Variants in ZNF704 observed in about 807,000 individuals in gnomAD.
The protein encoded by ZNF704 is zinc finger protein 704.
A neutral mutation model predicts 44.7 loss-of-function variants in ZNF704; 10 were observed. The observed-to-expected ratio is 0.22, with a 90% confidence interval of 0.14 to 0.38. The LOEUF (loss-of-function observed/expected upper bound fraction) is 0.38, where lower values mean the gene tolerates loss of function less well. Among genes scored for constraint, ZNF704 ranks in the 10% least tolerant of loss-of-function variants. ZNF704 has a pLI of 1.00. For synonymous variants in ZNF704, 211 were observed against 207.6 expected (o/e 1.02, Z -0.14); for missense variants, 390 against 545.5 (o/e 0.71, Z 2.84).
chr8:80,838,754 G>A (rs1461160522), intron 1 of ZNF704, among the ~76,000 whole-genome samples: 2 of 150,226 alleles, frequency 1.3e-5, no homozygotes, highest in Non-Finnish European at 2.9e-5. Context: ...AGGAGGAGGA[G>A]GAGGCCACCC....
chr8:80,827,213 C>T (rs1336806480), intron 1 of ZNF704, among the ~76,000 whole-genome samples: 1 of 152,176 alleles, frequency 6.6e-6, no homozygotes, highest in Non-Finnish European at 1.5e-5. Flanking sequence ...AGCTGATAAG[C>T]AACTTCAGGA....
At chr8:80,803,350 T>C (rs929916969) in intron 2 of ZNF704, among the ~76,000 whole-genome samples, 3 of 152,094 alleles carry the variant, frequency 2.0e-5, no homozygotes, top group Non-Finnish European at 4.4e-5. Flanking sequence ...AAATTTCATA[T>C]GGATTAAAAA....
rs201158238 is a variant in ZNF704 at position 80,670,512 on chromosome 8, A to T, written c.650T>A (p.Ile217Asn). 7.5e-5 allele frequency: 121 copies of T among 1,613,656 alleles called. No homozygotes were observed. Among genetic ancestry groups the T allele is most frequent in the Non-Finnish European group, 9.9e-5 (117 of 1,179,798 alleles). Residue 217 changes from isoleucine to asparagine, a missense_variant, in exon 5 of 9, where the codon ATC (isoleucine) becomes AAC (asparagine). By Grantham distance (149) the Ile-to-Asn change is moderately radical (BLOSUM62 -3). Transcript: ENST00000327835. ...AAGIQKHIRT[I>N]HLGRVGDSDY... ...GAGAGAGCTGCCTTACCCCAGATGG[A>T]TGGTTCGGATGTGTTTCTGGATACC...
intron 1 of ZNF704, among the ~76,000 whole-genome samples, chr8:80,842,901 A>C (rs1294061548): frequency 1.3e-5 from 2 of 152,178 alleles, no homozygotes; most frequent in East Asian, 3.9e-4. Flanking sequence ...AATCTTTCTT[A>C]AACCAAAGGG....
intron 1 of ZNF704, among the ~76,000 whole-genome samples, chr8:80,843,679 CTTAT>C (rs1387257110): frequency 6.6e-6 from 1 of 152,062 alleles, no homozygotes; most frequent in African/African-American, 2.4e-5. Flanking sequence ...TCTTAATTTT[CTTAT>C]TTAAAGATCA....
Position 80,828,678 on chromosome 8 carries a change from C to G in ZNF704, c.-21-7063G>C, listed in dbSNP as rs140000493. Among the ~76,000 whole-genome samples, 1,207 of 152,294 alleles carry G rather than the reference C, an allele frequency of 7.9e-3. 6 individuals are homozygous for G. Among genetic ancestry groups the G allele is most frequent in the Non-Finnish European group, 0.012 (844 of 68,014 alleles). ...TCAAATAGATTTAGATTTATAGAAT[C>G]TAAGGCCATAAGCATAAATCATTTT... On this transcript the variant is annotated intron_variant, in intron 1 of 8. Coordinates refer to ENST00000327835, the MANE Select transcript of ZNF704 (RefSeq NM_001033723.3).
chr8:80,794,680 T>G (rs1375613148), intron 2 of ZNF704, among the ~76,000 whole-genome samples: 1 of 152,182 alleles, frequency 6.6e-6, no homozygotes, highest in African/African-American at 2.4e-5. Flanking sequence ...TGCAAACAAA[T>G]GCAGTTAATT....
At chr8:80,747,728 G>GT (rs1043662974) in intron 2 of ZNF704, among the ~76,000 whole-genome samples, 27 of 152,054 alleles carry the variant, frequency 1.8e-4, no homozygotes, top group Non-Finnish European at 3.2e-4. Flanking sequence ...TTGTTTGTTT[G>GT]TTTTTTTGAG....
chr8:80,835,254 A>C (rs139864298), intron 1 of ZNF704, among the ~76,000 whole-genome samples: 1 of 152,334 alleles, frequency 6.6e-6, no homozygotes, highest in East Asian at 1.9e-4. Context: ...ATTTAACCTC[A>C]GCTAAATTCA....
intron 2 of ZNF704, among the ~76,000 whole-genome samples, chr8:80,770,587 T>A (rs139758587): frequency 7.9e-5 from 12 of 152,358 alleles, no homozygotes; most frequent in African/African-American, 2.6e-4. Flanking sequence ...AAACTTTATA[T>A]ATTCTAGATA....
intron 3 of ZNF704, among the ~76,000 whole-genome samples, chr8:80,691,352 T>C (rs1248614937): frequency 6.6e-6 from 1 of 152,228 alleles, no homozygotes; most frequent in Non-Finnish European, 1.5e-5. Flanking sequence ...CTTTCTCCCT[T>C]GGGGAGTGCT....
intron 2 of ZNF704, among the ~76,000 whole-genome samples, chr8:80,745,593 T>A (rs1017063532): frequency 6.6e-6 from 1 of 152,188 alleles, no homozygotes; most frequent in South Asian, 2.1e-4. Flanking sequence ...TTGTAAATAA[T>A]AGAATACTCT....
chr8:80,814,672 TTTTTAAAA>T (rs565348294), intron 2 of ZNF704, among the ~76,000 whole-genome samples: 6 of 152,330 alleles, frequency 3.9e-5, no homozygotes, highest in African/African-American at 1.4e-4. Flanking sequence ...CAAAATCTAT[TTTTTAAAA>T]AGAAATGTTC....
intron 2 of ZNF704, among the ~76,000 whole-genome samples, chr8:80,774,684 G>A (rs1807381546): frequency 6.6e-6 from 1 of 152,220 alleles, no homozygotes; most frequent in South Asian, 2.1e-4. Flanking sequence ...TCATAGGGTA[G>A]ATGTCTGGGT....
intron 4 of ZNF704, among the ~76,000 whole-genome samples, chr8:80,674,305 G>A (rs901151710): frequency 5.9e-5 from 9 of 152,130 alleles, no homozygotes; most frequent in African/African-American, 2.2e-4. Flanking sequence ...TTTATTCAAA[G>A]CATATAACTT....
At chr8:80,863,778 T>C (rs891277155) in intron 1 of ZNF704, among the ~76,000 whole-genome samples, 3 of 152,240 alleles carry the variant, frequency 2.0e-5, no homozygotes, top group Admixed American at 6.5e-5. Context: ...AGCAATAGCG[T>C]TGACAGAAAA....
At chr8:80,735,012 C>T (rs1206342118) in intron 2 of ZNF704, among the ~76,000 whole-genome samples, 1 of 152,228 alleles carries the variant, frequency 6.6e-6, no homozygotes, top group Non-Finnish European at 1.5e-5. Context: ...CACATCCCCC[C>T]AATTTCAATT....
intron 2 of ZNF704, among the ~76,000 whole-genome samples, chr8:80,741,403 TG>T (rs1806753849): frequency 6.6e-6 from 1 of 152,230 alleles, no homozygotes; most frequent in Non-Finnish European, 1.5e-5. Context: ...TTGCAACCTG[TG>T]GCATACTTGA....
In ZNF704 at chr8:80,641,410, T is replaced by A; in HGVS notation, c.1195A>T (p.Thr399Ser). The change falls in exon 9 of 9, where the codon ACC (threonine) becomes TCC (serine). Residue 399 changes from threonine to serine, a missense_variant. Physicochemically the swap from Thr to Ser is moderately conservative, Grantham distance 58. Transcript: ENST00000327835. ...CAGGCCTTCTTCCAGCGGCAGGCGG[T>A]ACACCACATGTCTCGGTTCTCCATC... Reference protein sequence around the residue: ...YGMENRDMWCTACRWKKACQR... With the variant: ...YGMENRDMWCSACRWKKACQR... The A allele has an allele frequency of 6.2e-7, 1 of 1,611,422 alleles. No individual in the cohort carries two copies. The highest frequency in any genetic ancestry group is 8.5e-7 in the Non-Finnish European group (1 of 1,178,816).
Sources: allele counts gnomAD v4.1 joint callset (sites outside exome capture counted in the v4.1 genomes callset), GRCh38; gene constraint gnomAD v4.1.1; transcripts MANE v1.5; gene names NCBI Gene and HGNC (gene_info 2026-07-23, HGNC 2026-07-21).